Variants in DPH6 observed in about 807,000 individuals in gnomAD.
DPH6 encodes diphthine--ammonia ligase.
DPH6 carries 33 observed loss-of-function variants against 38.2 expected under a neutral mutation model. The ratio of observed to expected loss-of-function variants is 0.86; its 90% confidence interval spans 0.65 to 1.15. DPH6 has a LOEUF of 1.15. DPH6 is among the 50% of genes most tolerant of loss of function. DPH6 has a pLI of 0.00. For missense variants in DPH6, 325 were observed against 320.0 expected, an observed-to-expected ratio of 1.02 and a Z score of -0.12; for synonymous variants, 108 against 103.0, an observed-to-expected ratio of 1.05 and a Z score of -0.30.
At chr15:35,226,303 G>A (rs995408837) in intron 3 of DPH6, among the ~76,000 whole-genome samples, 6 of 151,966 alleles carry the variant, frequency 3.9e-5, no homozygotes, top group Admixed American at 6.6e-5. Context: ...ATAGTTCTCC[G>A]AACTGCTTTT....
chr15:35,448,482 T>C (rs769043392), intron 5 of DPH6, among the ~76,000 whole-genome samples: 1 of 152,138 alleles, frequency 6.6e-6, no homozygotes, highest in South Asian at 2.1e-4. Context: ...TCATGAGTCA[T>C]TAGATATACA....
intron 3 of DPH6, among the ~76,000 whole-genome samples, chr15:35,363,978 C>T (rs188977277): frequency 1.2e-4 from 18 of 151,968 alleles, no homozygotes; most frequent in African/African-American, 2.6e-4. Context: ...ATTTTAAACT[C>T]GGAGACATCA....
At chr15:35,157,085 T>G in the DPH6 span, among the ~76,000 whole-genome samples, 1 of 152,196 alleles carries the variant, frequency 6.6e-6, no homozygotes, top group African/African-American at 2.4e-5. Context: ...TAGCATGGGA[T>G]GGGACTAAGG....
In DPH6 at chr15:35,241,267, G is replaced by A. The variant is rs1314584441; in HGVS notation, n.201-20685C>T. On this transcript the variant is annotated intron_variant and non_coding_transcript_variant, in intron 3 of 3. Coordinates refer to the DPH6 transcript ENST00000560386. Reference sequence around the variant, plus strand: ...AGACTGACACTGCCCGATCGCCTCGGAAGCCCCCTAGACCATCACGGACGC... The same window carrying A: ...AGACTGACACTGCCCGATCGCCTCGAAAGCCCCCTAGACCATCACGGACGC... 2.1e-5 allele frequency among the ~76,000 whole-genome samples: 3 copies of A among 143,140 alleles called. 1 individual carries two copies. Among genetic ancestry groups the A allele is most frequent in the Non-Finnish European group, 4.6e-5 (3 of 65,330 alleles). The allele number at this position is 143,140 out of a possible 152,430, so 93.9% of individuals were successfully genotyped here.
intron 5 of DPH6, among the ~76,000 whole-genome samples, chr15:35,430,392 T>TG (rs916690991): frequency 4.4e-5 from 5 of 114,726 alleles, no homozygotes; most frequent in African/African-American, 1.9e-4. Flanking sequence ...ACCTTCATAC[T>TG]GAAAAAAAAA....
the DPH6 span, among the ~76,000 whole-genome samples, chr15:35,174,165 T>G: frequency 3.3e-5 from 5 of 152,322 alleles, no homozygotes; most frequent in South Asian, 4.1e-4. Flanking sequence ...AAATATTCAC[T>G]CAGGGAATGA....
At chr15:35,284,457 C>T (rs2140439449) in intron 3 of DPH6, among the ~76,000 whole-genome samples, 1 of 151,630 alleles carries the variant, frequency 6.6e-6, no homozygotes, top group East Asian at 1.9e-4. Context: ...CAAAAATTTT[C>T]TGGACAATAA....
chr15:35,389,824 G>T (rs1275025107), intron 6 of DPH6, among the ~76,000 whole-genome samples: 1 of 152,146 alleles, frequency 6.6e-6, no homozygotes, highest in African/African-American at 2.4e-5. Flanking sequence ...TTTAATTGGA[G>T]CATTTAGCCC....
the DPH6 span, among the ~76,000 whole-genome samples, chr15:35,169,380 T>G: frequency 6.6e-6 from 1 of 152,104 alleles, no homozygotes; most frequent in Non-Finnish European, 1.5e-5. Context: ...TCACAAAGGA[T>G]TAAACCATGG....
chr15:35,335,121 T>C (rs181267140), intron 3 of DPH6, among the ~76,000 whole-genome samples: 82 of 152,348 alleles, frequency 5.4e-4, no homozygotes, highest in African/African-American at 1.9e-3. Context: ...GGTATTTCAC[T>C]GTGGTTTTGA....
chr15:35,395,548 T>A (rs1255276868), intron 6 of DPH6, among the ~76,000 whole-genome samples: 1 of 152,168 alleles, frequency 6.6e-6, no homozygotes, highest in Non-Finnish European at 1.5e-5. Flanking sequence ...TAGACCAAAT[T>A]TCTTTGTTGT....
At chr15:35,483,618 C>CA (rs1408594622) in intron 3 of DPH6, among the ~76,000 whole-genome samples, 27 of 152,036 alleles carry the variant, frequency 1.8e-4, no homozygotes, top group Non-Finnish European at 3.8e-4. Context: ...TAATATGGTA[C>CA]AGTCATGTTT....
chr15:35,309,380 C>T (rs2052121149), intron 3 of DPH6, among the ~76,000 whole-genome samples: 1 of 152,120 alleles, frequency 6.6e-6, no homozygotes, highest in Admixed American at 6.5e-5. Context: ...TTCCTCAACC[C>T]ATCCTAGAGC....
chr15:35,405,759 A>C (rs1465479885), intron 6 of DPH6, among the ~76,000 whole-genome samples: 1 of 152,052 alleles, frequency 6.6e-6, no homozygotes, highest in Non-Finnish European at 1.5e-5. Context: ...TGAAATGGGC[A>C]TCTTTGTCAT....
intron 3 of DPH6, among the ~76,000 whole-genome samples, chr15:35,292,853 T>C (rs148486572): frequency 4.8e-4 from 73 of 152,316 alleles, no homozygotes; most frequent in African/African-American, 1.5e-3. Context: ...GCATTTCTCA[T>C]CTGTCGTAAT....
At chr15:35,341,334 G>GTTCATTATT (rs145490329) in intron 3 of DPH6, among the ~76,000 whole-genome samples, 4,872 of 152,108 alleles carry the variant, frequency 0.032, 243 homozygotes, top group African/African-American at 0.11. Flanking sequence ...GCTCAGTTAA[G>GTTCATTATT]TTCATTATTA....
chr15:35,311,568 T>C (rs192576548), intron 3 of DPH6, among the ~76,000 whole-genome samples: 23 of 152,264 alleles, frequency 1.5e-4, no homozygotes, highest in Admixed American at 9.8e-4. Context: ...CGTTCAATGC[T>C]TTGGGACAAG....
At chr15:35,150,668 A>G in the DPH6 span, among the ~76,000 whole-genome samples, 2 of 152,214 alleles carry the variant, frequency 1.3e-5, no homozygotes, top group African/African-American at 4.8e-5. Context: ...CTTGTGGCGA[A>G]GAACACATGC....
At chr15:35,536,567 T>C (rs2055173067) in intron 3 of DPH6, among the ~76,000 whole-genome samples, 1 of 152,040 alleles carries the variant, frequency 6.6e-6, no homozygotes. Context: ...AATCTGCCCA[T>C]TTTTAATTAA....
Sources: gnomAD v4.1 joint callset for allele counts (sites outside exome capture counted in the v4.1 genomes callset) on GRCh38, gnomAD v4.1.1 for gene constraint, MANE v1.5 for transcripts, NCBI Gene and HGNC (gene_info 2026-07-23, HGNC 2026-07-21) for gene names.